The following SEC62 variants were observed in gnomAD, a reference collection of about 807,000 sequenced individuals.
SEC62 encodes the protein translocation protein SEC62.
In SEC62, 10 loss-of-function variants were observed where a neutral mutation model predicts 47.5. The ratio of observed to expected loss-of-function variants is 0.21; its 90% CI spans 0.13 to 0.36. The LOEUF is 0.36. Among genes scored for constraint, SEC62 ranks in the 10% least tolerant of loss-of-function variants. The probability of loss-of-function intolerance (pLI) is 1.00; values close to 1 mark genes in which losing one functional copy is unlikely to be tolerated. For synonymous variants in SEC62, 136 were observed against 150.5 expected, an observed-to-expected ratio of 0.90 and a Z score of 0.71; for missense variants, 327 against 464.1, an observed-to-expected ratio of 0.70 and a Z score of 2.71.
At chr3:169,982,562 A>G (rs997931979) in intron 3 of SEC62, 145 bp from the exon 4 acceptor site, 1 of 912,240 alleles carries the variant, frequency 1.1e-6, no homozygotes, top group Non-Finnish European at 1.8e-6. Context: ...AGAGTTGACT[A>G]CTTTTTCACG....
At chr3:169,969,208 G>C (rs1183920940) in intron 1 of SEC62, 2 of 426,704 alleles carry the variant, frequency 4.7e-6, no homozygotes, top group African/African-American at 4.1e-5. Context: ...TTGCACATTG[G>C]GGAGAAATGT....
chr3:169,981,413 G>T (rs999915188), intron 3 of SEC62, among the ~76,000 whole-genome samples: 3 of 152,118 alleles, frequency 2.0e-5, no homozygotes, highest in African/African-American at 7.2e-5. Context: ...TGGTTATCTG[G>T]GCAGGAAGAA....
intron 3 of SEC62, among the ~76,000 whole-genome samples, chr3:169,981,521 G>T (rs141865673): frequency 6.6e-6 from 1 of 152,220 alleles, no homozygotes; most frequent in Non-Finnish European, 1.5e-5. Flanking sequence ...GGCACCAGTG[G>T]TGGTAGTGAG....
In SEC62 at chr3:169,997,704, G is replaced by A. The variant is rs1438177966; in HGVS notation, c.*4641G>A. On this transcript the variant is annotated 3_prime_UTR_variant, in exon 8 of 8. Transcript: ENST00000337002. Reference sequence around the variant, plus strand: ...ACTGATCTTGAACTCCTGACATCAGGTGATCCACCTGCCTCGGCCTCCCAA... The same window carrying A: ...ACTGATCTTGAACTCCTGACATCAGATGATCCACCTGCCTCGGCCTCCCAA... The A allele has an allele frequency of 6.6e-6, 1 of 152,266 alleles. No homozygotes were observed. Among genetic ancestry groups the A allele is most frequent in the Non-Finnish European group, 1.5e-5 (1 of 68,104 alleles). 9.4% of individuals were successfully genotyped at this position (152,266 alleles called of 1,614,324 possible).
At position 169,971,842 on chromosome 3, in the gene SEC62, TAGTATG is replaced by T. The variant is rs534662112; in HGVS notation, c.37-3760_37-3755del. Among the ~76,000 whole-genome samples the T allele has an allele frequency of 4.6e-5, 7 of 152,350 alleles. No individual in the cohort carries two copies. In the South Asian group the frequency reaches 1.0e-3, roughly 23 times the overall value. ...ATTCAGGAATGGTATAACTGAGTGTTAGTATGAGTATATTTGTATCATGCCTAAATT... is the reference window on the plus strand; with the variant it reads ...ATTCAGGAATGGTATAACTGAGTGTTAGTATATTTGTATCATGCCTAAATT... On this transcript the variant is annotated intron_variant, in intron 1 of 7. Coordinates refer to ENST00000337002, the MANE Select transcript of SEC62 (RefSeq NM_003262.4).
intron 1 of SEC62, among the ~76,000 whole-genome samples, chr3:169,967,912 C>T (rs1419425957): frequency 1.3e-5 from 2 of 150,298 alleles, no homozygotes. Flanking sequence ...GATTTATTGG[C>T]GTACAATACA....
chr3:169,971,056 G>A (rs1180611801), intron 1 of SEC62, among the ~76,000 whole-genome samples: 3 of 149,836 alleles, frequency 2.0e-5, no homozygotes. Context: ...ATCTGTTCAT[G>A]TTCTCATGGT....
intron 3 of SEC62, among the ~76,000 whole-genome samples, chr3:169,980,929 C>T (rs1188437415): frequency 6.6e-6 from 1 of 151,900 alleles, no homozygotes; most frequent in South Asian, 2.1e-4. Flanking sequence ...AATAAATGTT[C>T]CTGAAAGAAA....
chr3:169,995,326 C>A lies in SEC62; in HGVS notation c.*2263C>A, dbSNP rs1195925453. ...GATTGAATTTACCAGAGGCTAAGTTCAGATAGTAAGAATAATGCATATGTG... is the reference window on the plus strand; with the variant it reads ...GATTGAATTTACCAGAGGCTAAGTTAAGATAGTAAGAATAATGCATATGTG... On this transcript the variant is annotated 3_prime_UTR_variant, in exon 8 of 8. Coordinates refer to ENST00000337002, the MANE Select transcript of SEC62 (RefSeq NM_003262.4). 3 of 152,030 alleles carry A rather than the reference C, an allele frequency of 2.0e-5. No homozygotes were observed. Among genetic ancestry groups the A allele is most frequent in the Non-Finnish European group, 4.4e-5 (3 of 67,996 alleles). The allele number at this position is 152,030 out of a possible 1,614,324, so 9.4% of individuals were successfully genotyped here. A position where few individuals can be genotyped will look rare whatever the true frequency, so the allele number is the denominator to read the frequency against.
intron 3 of SEC62, among the ~76,000 whole-genome samples, chr3:169,980,118 A>G (rs1357966281): frequency 6.6e-6 from 1 of 152,246 alleles, no homozygotes. Flanking sequence ...CCCTACATCA[A>G]AACATATTCT....
At chr3:169,968,292 C>A (rs1402766566) in intron 1 of SEC62, 1 of 152,162 alleles carries the variant, frequency 6.6e-6, no homozygotes, top group Admixed American at 6.5e-5. Context: ...CATTGTTTTA[C>A]AATTCCAGTT....
chr3:169,992,892 G>T lies in SEC62; in HGVS notation c.1029G>T (p.Thr343=). 3 of 1,613,884 alleles carry T rather than the reference G, an allele frequency of 1.9e-6. No homozygotes were observed. Among genetic ancestry groups the T allele is most frequent in the Non-Finnish European group, 2.5e-6 (3 of 1,179,978 alleles). The part of the protein sequence containing the change: ...EGSGGERHSD[T]DSDRREDDRS... Reference sequence around the variant, plus strand: ...CGGGGGGAGAACGGCATTCAGACACGGACAGTGACAGGAGGGAAGATGATC... The same window carrying T: ...CGGGGGGAGAACGGCATTCAGACACTGACAGTGACAGGAGGGAAGATGATC... Residue 343 remains threonine (T), a synonymous_variant, in exon 8 of 8, where the codon ACG becomes ACT. Transcript: ENST00000337002. The surrounding 1 kb of genome is among the most constrained non-coding windows in gnomAD (Gnocchi z 4.0).
intron 1 of SEC62, chr3:169,975,329 A>C (rs1714807730): frequency 3.8e-6 from 1 of 264,956 alleles, no homozygotes. Flanking sequence ...GAACTGGTAC[A>C]AAGTAGTTAC....
At chr3:169,972,421 T>G (rs542466407) in intron 1 of SEC62, among the ~76,000 whole-genome samples, 1 of 152,194 alleles carries the variant, frequency 6.6e-6, no homozygotes, top group South Asian at 2.1e-4. Context: ...ACATTGATAA[T>G]CTCACTCCTA....
At chr3:169,973,972 T>C (rs1714768272) in intron 1 of SEC62, among the ~76,000 whole-genome samples, 1 of 152,246 alleles carries the variant, frequency 6.6e-6, no homozygotes, top group Non-Finnish European at 1.5e-5. Flanking sequence ...TAACAAATTA[T>C]TCCTTTTTGG....
At chr3:169,975,094 A>T (rs1714800542) in intron 1 of SEC62, among the ~76,000 whole-genome samples, 1 of 152,146 alleles carries the variant, frequency 6.6e-6, no homozygotes, top group Non-Finnish European at 1.5e-5. Context: ...CACCCTAGCC[A>T]ACGTGGCGAA....
chr3:169,972,192 T>G (rs1037985763), intron 1 of SEC62, among the ~76,000 whole-genome samples: 4 of 152,222 alleles, frequency 2.6e-5, no homozygotes, highest in Non-Finnish European at 5.9e-5. Context: ...AAACTACTAG[T>G]GGTCTTTCTG....
At chr3:169,980,969 A>G (rs575229448) in intron 3 of SEC62, among the ~76,000 whole-genome samples, 29 of 152,326 alleles carry the variant, frequency 1.9e-4, no homozygotes, top group African/African-American at 6.7e-4. Context: ...GCACAAAGAA[A>G]ATTAGAATAT....
In SEC62 at chr3:169,993,288, A is replaced by G. The variant is rs896426530; in HGVS notation, c.*225A>G. 2.8e-5 allele frequency: 12 copies of G among 427,814 alleles called. No homozygotes were observed. The East Asian group carries it at 4.7e-4, about 17-fold the overall frequency. 26.5% of individuals were successfully genotyped at this position (427,814 alleles called of 1,614,324 possible). A position where few individuals can be genotyped will look rare whatever the true frequency, so the allele number is the denominator to read the frequency against. On this transcript the variant is annotated 3_prime_UTR_variant, in exon 8 of 8. Coordinates refer to ENST00000337002, the MANE Select transcript of SEC62 (RefSeq NM_003262.4). ...TATGTTTTATCCATTTGATAATTTTACAGTAAGTAGGTCTCATTCATTTTG... is the reference window on the plus strand; with the variant it reads ...TATGTTTTATCCATTTGATAATTTTGCAGTAAGTAGGTCTCATTCATTTTG...
Sources: gnomAD v4.1 joint callset for allele counts (sites outside exome capture counted in the v4.1 genomes callset) on GRCh38, gnomAD v4.1.1 for gene constraint, Gnocchi (gnomAD v3.1) non-coding constraint, MANE v1.5 for transcripts, NCBI Gene and HGNC (gene_info 2026-07-23, HGNC 2026-07-21) for gene names.